Variants in EML1 observed in about 807,000 individuals in gnomAD.
EML1 encodes the protein echinoderm microtubule-associated protein-like 1.
EML1 carries 27 observed loss-of-function variants against 110.4 expected under a neutral mutation model. That is an observed-to-expected ratio of 0.24 (90% CI 0.18 to 0.34). The LOEUF is 0.34. EML1 is among the 10% of genes least tolerant of loss of function. The pLI is 1.00. For missense variants in EML1, 741 were observed against 1,030.9 expected, an observed-to-expected ratio of 0.72 and a Z score of 3.85; for synonymous variants, 344 against 385.8, an observed-to-expected ratio of 0.89 and a Z score of 1.27.
intron 11 of EML1, 49 bp downstream of exon 11, chr14:99,909,528 T>C (rs747070371): frequency 1.2e-6 from 2 of 1,610,310 alleles, no homozygotes; most frequent in Non-Finnish European, 1.7e-6. Flanking sequence ...GTATATGTGA[T>C]TGGCTAGATG....
At chr14:99,928,197 G>A (rs866213456) in intron 17 of EML1, among the ~76,000 whole-genome samples, 26 of 69,818 alleles carry the variant, frequency 3.7e-4, no homozygotes, top group African/African-American at 5.2e-4. Context: ...GGTGGTGGTG[G>A]TGGTGGTGGT....
upstream of EML1, chr14:99,792,945 G>A (rs1365661742): frequency 1.3e-5 from 2 of 152,226 alleles, no homozygotes; most frequent in Non-Finnish European, 2.9e-5. Context: ...GCTGCCCGCG[G>A]GCGCGGGAAC....
intron 3 of EML1, 22 bp from the exon 4 acceptor site, chr14:99,878,463 G>C: frequency 6.3e-7 from 1 of 1,596,836 alleles, no homozygotes; most frequent in Non-Finnish European, 8.5e-7. Flanking sequence ...GGAGTTCACT[G>C]TCACTTCCAT....
Position 99,749,771 on chromosome 14 carries a change from C to T in EML1, c.28+11911C>T, listed in dbSNP as rs569422154. Reference sequence around the variant, plus strand: ...GGAGCTCTGATGCTCTGCTGTTCTGCGGCAGGCCGAGTGACCCCGACATGT... The same window carrying T: ...GGAGCTCTGATGCTCTGCTGTTCTGTGGCAGGCCGAGTGACCCCGACATGT... On this transcript the variant is annotated intron_variant, in intron 1 of 10. Coordinates refer to the EML1 transcript ENST00000554479. Among the ~76,000 whole-genome samples the T allele has an allele frequency of 1.8e-4, 28 of 152,246 alleles. No individual in the cohort carries two copies. The East Asian group carries it at 4.5e-3, about 24-fold the overall frequency.
At chr14:99,918,560 G>C (rs2140076045) in intron 16 of EML1, among the ~76,000 whole-genome samples, 1 of 152,202 alleles carries the variant, frequency 6.6e-6, no homozygotes. Context: ...GCTCACACTT[G>C]TAATCCCAAC....
rs143845389 is a variant in EML1, at chr14:99,932,424, G to C, written c.1910-3605G>C. 4.1e-3 allele frequency among the ~76,000 whole-genome samples: 620 copies of C among 151,314 alleles called. 6 individuals carry two copies. Among genetic ancestry groups the C allele is most frequent in the African/African-American group, 0.013 (547 of 41,204 alleles). ...AGGCCGAGGCAAGTGGATTACCTGA[G>C]GTCAGGAGTTTGAGACCAGCCTAGC... On this transcript the variant is annotated intron_variant, in intron 17 of 21. Transcript: ENST00000262233.
intron 1 of EML1, among the ~76,000 whole-genome samples, chr14:99,833,906 A>G (rs7160423): frequency 0.68 from 103,638 of 152,030 alleles, 35,425 homozygotes; most frequent in Non-Finnish European, 0.7. Flanking sequence ...TCGATTTTCT[A>G]GTTGGACAGC....
At chr14:99,838,930 T>TGTGTGTGTGTGTGTGTGTGTGCGC in intron 1 of EML1, 1 of 148,572 alleles carries the variant, frequency 6.7e-6, no homozygotes, top group South Asian at 2.2e-4. Flanking sequence ...TGTGTGTGTG[T>TGTGTGTGTGTGTGTGTGTGTGCGC]GCGCGCGCGC....
intron 17 of EML1, among the ~76,000 whole-genome samples, chr14:99,934,462 C>T (rs1163108411): frequency 6.6e-6 from 1 of 152,246 alleles, no homozygotes; most frequent in Non-Finnish European, 1.5e-5. Flanking sequence ...GGCGCCAGGC[C>T]ACCCTGGGTC....
intron 5 of EML1, among the ~76,000 whole-genome samples, chr14:99,891,883 T>C (rs2059593609): frequency 6.6e-6 from 1 of 152,206 alleles, no homozygotes; most frequent in South Asian, 2.1e-4. Flanking sequence ...AACATAAAAG[T>C]CAAAGTTGTG....
rs1180338043 is a variant in EML1 at position 99,827,408 on chromosome 14, A to G, written c.68-23445A>G. 6.6e-6 allele frequency among the ~76,000 whole-genome samples: 1 copy of G among 152,162 alleles called. No homozygotes were observed. The highest frequency in any genetic ancestry group is 1.5e-5 in the Non-Finnish European group (1 of 68,032). ...CAGAGTAGCGGCACCTAGTAGCCAC[A>G]AGTAAGGTGCAAATACCCTTGCAGC... On this transcript the variant is annotated intron_variant, in intron 1 of 21. Transcript: ENST00000262233. This position sits in a 1 kb window ranked among gnomAD's most constrained non-coding sequence, Gnocchi z 4.4.
intron 16 of EML1, among the ~76,000 whole-genome samples, chr14:99,918,104 C>A (rs2060065321): frequency 6.6e-6 from 1 of 152,128 alleles, no homozygotes; most frequent in South Asian, 2.1e-4. Context: ...CACACACACA[C>A]TTTTTTTGTT....
intron 1 of EML1, among the ~76,000 whole-genome samples, chr14:99,753,004 C>T (rs540103933): frequency 2.0e-5 from 3 of 152,256 alleles, no homozygotes; most frequent in African/African-American, 7.2e-5. Flanking sequence ...TTATTCCCCG[C>T]CCTGGCATCT....
chr14:99,806,282 C>T (rs2057972512), intron 1 of EML1, among the ~76,000 whole-genome samples: 1 of 150,948 alleles, frequency 6.6e-6, no homozygotes, highest in Non-Finnish European at 1.5e-5. Flanking sequence ...TGCTCAGCCT[C>T]CTGTGTAAAG....
chr14:99,802,940 C>G (rs527334433), intron 1 of EML1, among the ~76,000 whole-genome samples: 1 of 152,108 alleles, frequency 6.6e-6, no homozygotes, highest in African/African-American at 2.4e-5. Context: ...CTTTAGCACC[C>G]AGGGCCCCAC....
At position 99,796,936 on chromosome 14, in the gene EML1, T is replaced by TGTGTGAGA. The variant is rs368044152; in HGVS notation, c.67+3394_67+3395insTGTGAGAG. ...GTGTGTGTGTGTGTGTGTGTGTGTG[T>TGTGTGAGA]GAGAGAGTAATAGCTTTATTGAAAT... On this transcript the variant is annotated intron_variant, in intron 1 of 21. Coordinates refer to ENST00000262233, the MANE Select transcript of EML1 (RefSeq NM_004434.3). Among the ~76,000 whole-genome samples the TGTGTGAGA allele has an allele frequency of 8.1e-4, 122 of 150,136 alleles. No individual in the cohort carries two copies. In the East Asian group the frequency reaches 9.5e-3, roughly 12 times the overall value.
upstream of EML1, among the ~76,000 whole-genome samples, chr14:99,788,990 C>T (rs1300284832): frequency 7.2e-5 from 11 of 152,078 alleles, no homozygotes; most frequent in African/African-American, 2.4e-5. Flanking sequence ...TATCAGAATT[C>T]CCTTCCTTTT....
intron 1 of EML1, among the ~76,000 whole-genome samples, chr14:99,814,173 T>C (rs1449820344): frequency 6.6e-6 from 1 of 152,044 alleles, no homozygotes; most frequent in Non-Finnish European, 1.5e-5. Flanking sequence ...AAACCTAGAG[T>C]TGTAAAGGAC....
chr14:99,738,915 C>T (rs144140087), intron 1 of EML1, among the ~76,000 whole-genome samples: 1 of 152,244 alleles, frequency 6.6e-6, no homozygotes, highest in African/African-American at 2.4e-5. Context: ...AACCCCACCT[C>T]GGAGGCTCTC....
Sources: allele counts gnomAD v4.1 joint callset (sites outside exome capture counted in the v4.1 genomes callset), GRCh38; gene constraint gnomAD v4.1.1; non-coding constraint Gnocchi (gnomAD v3.1); transcripts MANE v1.5; gene names NCBI Gene and HGNC (gene_info 2026-07-23, HGNC 2026-07-21).